CASP1: variants seen among roughly 807,000 people sequenced by gnomAD.
CASP1 encodes the protein caspase 1.
In CASP1, 31 loss-of-function variants were observed where a neutral mutation model predicts 41.2. The observed-to-expected ratio is 0.75, with a 90% confidence interval of 0.57 to 1.02. The LOEUF is 1.02. Among genes scored for constraint, CASP1 ranks in the 50% least tolerant of loss-of-function variants. The pLI is 0.00. For synonymous variants in CASP1, 163 were observed against 166.5 expected (o/e 0.98, Z 0.16); for missense variants, 490 against 495.7 (o/e 0.99, Z 0.11).
chr11:105,026,775 T>G, intron 8 of CASP1, 67 bp downstream of exon 8: 1 of 838,358 alleles, frequency 1.2e-6, no homozygotes, highest in Non-Finnish European at 2.1e-6. Context: ...CTGCTTTCTA[T>G]GCTTCCAATT....
chr11:105,027,771 T>A (rs7121761), intron 7 of CASP1, among the ~76,000 whole-genome samples: 8 of 152,222 alleles, frequency 5.3e-5, no homozygotes, highest in African/African-American at 1.9e-4. Flanking sequence ...AAAGATATCG[T>A]GGAGACAGAT....
upstream of CASP1, among the ~76,000 whole-genome samples, chr11:105,035,984 G>A (rs954049568): frequency 6.6e-6 from 1 of 152,012 alleles, no homozygotes; most frequent in African/African-American, 2.4e-5. Context: ...TGAGAATGTC[G>A]AACTTAGCAT....
chr11:105,035,317 G>C (rs1863958476), upstream of CASP1: 1 of 649,528 alleles, frequency 1.5e-6, no homozygotes, highest in Non-Finnish European at 2.7e-6. Context: ...CCCTTGGATA[G>C]ATCAGGGTAG....
At chr11:105,032,048 C>A (rs1350223231) in intron 3 of CASP1, among the ~76,000 whole-genome samples, 5 of 152,114 alleles carry the variant, frequency 3.3e-5, no homozygotes, top group Non-Finnish European at 7.4e-5. Context: ...TTAATGTAAC[C>A]TTTGTTTTAA....
chr11:105,029,065 T>G, intron 7 of CASP1, 59 bp downstream of exon 7: 1 of 1,520,638 alleles, frequency 6.6e-7, no homozygotes. Flanking sequence ...TCTAGTGGGT[T>G]ATTGTCACTT....
intron 3 of CASP1, among the ~76,000 whole-genome samples, chr11:105,031,821 T>G (rs1591201746): frequency 6.6e-6 from 1 of 152,166 alleles, no homozygotes; most frequent in East Asian, 1.9e-4. Flanking sequence ...TGTATACATA[T>G]GAAAGGACAT....
chr11:105,031,398 A>G (rs991169367), intron 3 of CASP1, 118 bp from the exon 4 acceptor site: 33 of 579,026 alleles, frequency 5.7e-5, no homozygotes, highest in Non-Finnish European at 9.5e-5. Flanking sequence ...GAGGAGGACA[A>G]TCCTGATCTA....
intron 4 of CASP1, chr11:105,030,865 G>T: frequency 2.9e-6 from 1 of 350,210 alleles, no homozygotes. Flanking sequence ...AAAATGGGTT[G>T]TGTTTAAGGT....
In CASP1 at chr11:105,029,137, G is replaced by A; in HGVS notation, c.993C>T (p.Cys331=). ...AHIEKDFIAF[C]SSTPDNVSWR... ...GAAACCTGTTACCTGGTGTGGAAGA[G>A]CAGAAAGCGATAAAATCCTTCTCTA... Residue 331 remains cysteine, a synonymous_variant, in exon 7 of 9, where the codon TGC becomes TGT. Coordinates refer to ENST00000533400, the MANE Select transcript of CASP1 (RefSeq NM_001257118.3). The A allele has an allele frequency of 6.2e-7, 1 of 1,612,994 alleles. No homozygotes were observed. Among genetic ancestry groups the A allele is most frequent in the East Asian group, 2.2e-5 (1 of 44,832 alleles).
chr11:105,026,739 T>G, intron 8 of CASP1, 103 bp downstream of exon 8: 2 of 722,756 alleles, frequency 2.8e-6, no homozygotes, highest in Non-Finnish European at 2.5e-6. Context: ...AAGAAGAGCA[T>G]TATTGGAAGA....
chr11:105,032,986 A>T, intron 3 of CASP1, 78 bp downstream of exon 3: 1 of 859,016 alleles, frequency 1.2e-6, no homozygotes, highest in Non-Finnish European at 2.0e-6. Flanking sequence ...TAGCCCATTT[A>T]CCCACGTTTG....
intron 8 of CASP1, 50 bp downstream of exon 8, chr11:105,026,792 G>A (rs1478541043): frequency 4.3e-6 from 4 of 927,400 alleles, no homozygotes; most frequent in Non-Finnish European, 7.2e-6. Context: ...AATTGCAATA[G>A]CCAAGCATTC....
rs1354588000 is a variant in CASP1 at position 105,034,845 on chromosome 11, T to C, written c.7+262A>G. ...GCCAATTCTGTACCCTCTGTCAGAC[T>C]TTCAACATGTAAGTAAGAGTTTAAT... On this transcript the variant is annotated intron_variant, in intron 1 of 8. Coordinates refer to ENST00000533400, the MANE Select transcript of CASP1 (RefSeq NM_001257118.3). The C allele has an allele frequency of 4.9e-6, 3 of 610,876 alleles. No individual in the cohort carries two copies. In the East Asian group the frequency reaches 8.2e-5, roughly 17 times the overall value. 37.8% of individuals were successfully genotyped at this position (610,876 alleles called of 1,614,324 possible).
At chr11:105,030,574 C>A in intron 4 of CASP1, 71 bp from the exon 5 acceptor site, 1 of 1,356,872 alleles carries the variant, frequency 7.4e-7, no homozygotes, top group Non-Finnish European at 1.0e-6. Flanking sequence ...TGGTTTATGA[C>A]AGCTTCCCCT....
At position 105,034,825 on chromosome 11, in the gene CASP1, T is replaced by C. The variant is rs1863924879; in HGVS notation, c.7+282A>G. 6.7e-6 allele frequency: 4 copies of C among 600,956 alleles called. No homozygotes were observed. The Admixed American group carries it at 8.9e-5, about 13-fold the overall frequency. 37.2% of individuals were successfully genotyped at this position (600,956 alleles called of 1,614,324 possible). A position where few individuals can be genotyped will look rare whatever the true frequency, so the allele number is the denominator to read the frequency against. On this transcript the variant is annotated intron_variant, in intron 1 of 8. Coordinates refer to ENST00000533400, the MANE Select transcript of CASP1 (RefSeq NM_001257118.3). ...GCTGCTAGTACTCCTCCTGTGCCAA[T>C]TCTGTACCCTCTGTCAGACTTTCAA... is the stretch of plus-strand genomic sequence containing the variant.
intron 3 of CASP1, among the ~76,000 whole-genome samples, chr11:105,031,916 A>G (rs1189006152): frequency 6.6e-6 from 1 of 152,176 alleles, no homozygotes; most frequent in Non-Finnish European, 1.5e-5. Flanking sequence ...ATAGCACTAA[A>G]CATTCATTGC....
intron 3 of CASP1, among the ~76,000 whole-genome samples, chr11:105,032,210 C>T (rs1047772367): frequency 2.0e-5 from 3 of 151,724 alleles, no homozygotes; most frequent in Admixed American, 6.6e-5. Flanking sequence ...TGGAGAAGAA[C>T]GAATTAGAAT....
At chr11:105,027,352 C>T (rs371345111) in intron 7 of CASP1, among the ~76,000 whole-genome samples, 74 of 135,556 alleles carry the variant, frequency 5.5e-4, no homozygotes, top group African/African-American at 2.6e-3. Context: ...AAAGATTAAT[C>T]GAAATTAAAT....
intron 8 of CASP1, 74 bp from the exon 9 acceptor site, chr11:105,026,430 C>T: frequency 1.2e-6 from 1 of 866,406 alleles, no homozygotes; most frequent in Middle Eastern, 2.2e-4. Flanking sequence ...TGAGTTATGC[C>T]AAAAAACTAC....
Sources: gnomAD v4.1 joint callset for allele counts (sites outside exome capture counted in the v4.1 genomes callset) on GRCh38, gnomAD v4.1.1 for gene constraint, MANE v1.5 for transcripts, NCBI Gene and HGNC (gene_info 2026-07-23, HGNC 2026-07-21) for gene names.